CNTNAP2: variants seen among roughly 807,000 people sequenced by gnomAD.
CNTNAP2 encodes contactin-associated protein-like 2.
Under a neutral mutation model 155.2 loss-of-function variants are expected in CNTNAP2, and 98 were observed. That is an observed-to-expected ratio of 0.63 (90% confidence interval 0.54 to 0.75). The LOEUF (loss-of-function observed/expected upper bound fraction) is 0.75. Among genes scored for constraint, CNTNAP2 ranks in the 30% least tolerant of loss-of-function variants. The pLI is 0.00. For missense variants in CNTNAP2, 1,727 were observed against 1,688.1 expected (o/e 1.02, Z -0.40); for synonymous variants, 651 against 631.2 (o/e 1.03, Z -0.47).
chr7:146,661,453 C>G (rs187381684), intron 1 of CNTNAP2, among the ~76,000 whole-genome samples: 1 of 152,204 alleles, frequency 6.6e-6, no homozygotes, highest in African/African-American at 2.4e-5. Flanking sequence ...ATCCTTAACC[C>G]CTGGTCACCA....
intron 1 of CNTNAP2, among the ~76,000 whole-genome samples, chr7:146,719,713 C>A (rs1382867767): frequency 2.1e-5 from 3 of 140,718 alleles, no homozygotes; most frequent in African/African-American, 3.2e-5. Flanking sequence ...AAATTCACTT[C>A]TCTTTCTCCA....
chr7:146,454,697 A>G (rs543735760), intron 1 of CNTNAP2, among the ~76,000 whole-genome samples: 3 of 152,144 alleles, frequency 2.0e-5, no homozygotes, highest in African/African-American at 7.2e-5. Flanking sequence ...GCATTGCTGA[A>G]CTGTAAAAAT....
intron 11 of CNTNAP2, among the ~76,000 whole-genome samples, chr7:147,541,520 C>A (rs1799639668): frequency 6.6e-6 from 1 of 152,182 alleles, no homozygotes; most frequent in Non-Finnish European, 1.5e-5. Context: ...CCGAGGTCTT[C>A]TCAAATTCTA....
chr7:147,443,517 G>A (rs114456071), intron 10 of CNTNAP2, among the ~76,000 whole-genome samples: 2,479 of 152,196 alleles, frequency 0.016, 69 homozygotes, highest in African/African-American at 0.056. Flanking sequence ...CCAGCACTGC[G>A]AGTGTTCATT....
At chr7:147,063,695 A>G (rs928315885) in intron 4 of CNTNAP2, among the ~76,000 whole-genome samples, 1 of 152,158 alleles carries the variant, frequency 6.6e-6, no homozygotes, top group African/African-American at 2.4e-5. Context: ...ATGACTTAAA[A>G]ACAGTTATAT....
intron 9 of CNTNAP2, among the ~76,000 whole-genome samples, chr7:147,314,358 C>G (rs1335516587): frequency 6.6e-6 from 1 of 152,004 alleles, no homozygotes; most frequent in Non-Finnish European, 1.5e-5. Context: ...CTTTTCCAAT[C>G]AAAAAAATCC....
chr7:146,405,135 A>C (rs1044868324), intron 1 of CNTNAP2, among the ~76,000 whole-genome samples: 1 of 152,182 alleles, frequency 6.6e-6, no homozygotes, highest in Non-Finnish European at 1.5e-5. Flanking sequence ...GGATAAATGC[A>C]AAGTTGGAGA....
At chr7:148,284,760 C>G (rs1376356905) in intron 21 of CNTNAP2, among the ~76,000 whole-genome samples, 1 of 152,044 alleles carries the variant, frequency 6.6e-6, no homozygotes, top group South Asian at 2.1e-4. Context: ...ATCTTGCTAA[C>G]GACCTGGAAT....
At chr7:146,541,004 C>G (rs1484356755) in intron 1 of CNTNAP2, among the ~76,000 whole-genome samples, 1 of 151,934 alleles carries the variant, frequency 6.6e-6, no homozygotes, top group African/African-American at 2.4e-5. Flanking sequence ...ATTTTTCTGA[C>G]TCTAAGAAAC....
intron 1 of CNTNAP2, among the ~76,000 whole-genome samples, chr7:146,178,402 A>T (rs1452467567): frequency 6.6e-6 from 1 of 152,182 alleles, no homozygotes; most frequent in African/African-American, 2.4e-5. Flanking sequence ...ATTTGCAGCT[A>T]CTGTAAATTT....
At chr7:147,145,837 G>T (rs1047879037) in intron 8 of CNTNAP2, among the ~76,000 whole-genome samples, 1 of 152,112 alleles carries the variant, frequency 6.6e-6, no homozygotes, top group Admixed American at 6.6e-5. Context: ...TTCCTCTTGG[G>T]TATGGTCAGA....
intron 1 of CNTNAP2, among the ~76,000 whole-genome samples, chr7:146,334,754 T>C (rs1469496425): frequency 1.3e-5 from 2 of 152,220 alleles, no homozygotes; most frequent in Non-Finnish European, 2.9e-5. Flanking sequence ...AAGCAATGTA[T>C]TACTTTCCCT....
intron 1 of CNTNAP2, chr7:146,311,669 AG>A (rs1419595725): frequency 3.4e-5 from 5 of 149,230 alleles, no homozygotes; most frequent in Admixed American, 1.3e-4. Context: ...AAAGAAAGAA[AG>A]GAAAGAGAAA....
At chr7:146,500,759 A>G (rs1797289093) in intron 1 of CNTNAP2, among the ~76,000 whole-genome samples, 1 of 152,188 alleles carries the variant, frequency 6.6e-6, no homozygotes, top group Non-Finnish European at 1.5e-5. Context: ...AATACAGTGT[A>G]GAATAGAAGT....
chr7:147,941,494 G>A (rs970758351), intron 14 of CNTNAP2, among the ~76,000 whole-genome samples: 56 of 152,040 alleles, frequency 3.7e-4, no homozygotes, highest in African/African-American at 1.2e-3. Context: ...AGTTGTCACC[G>A]CCAAGTGACC....
intron 1 of CNTNAP2, among the ~76,000 whole-genome samples, chr7:146,698,143 A>C (rs1220590194): frequency 6.6e-6 from 1 of 152,124 alleles, no homozygotes; most frequent in Non-Finnish European, 1.5e-5. Flanking sequence ...ATTTATCTGT[A>C]AGCTAGAACC....
chr7:146,467,948 A>G (rs1018152495), intron 1 of CNTNAP2, among the ~76,000 whole-genome samples: 1 of 152,140 alleles, frequency 6.6e-6, no homozygotes, highest in Non-Finnish European at 1.5e-5. Context: ...CAAGCATCTT[A>G]TTTATTTTGG....
chr7:147,977,110 A>G (rs1235280603), intron 14 of CNTNAP2, among the ~76,000 whole-genome samples: 2 of 152,126 alleles, frequency 1.3e-5, no homozygotes, highest in Admixed American at 6.6e-5. Context: ...TCTTAAGCCC[A>G]TCTCCAGGAA....
chr7:148,037,165 C>A (rs1053126980), intron 15 of CNTNAP2, among the ~76,000 whole-genome samples: 5 of 152,190 alleles, frequency 3.3e-5, no homozygotes, highest in African/African-American at 1.2e-4. Flanking sequence ...GCATAGCACT[C>A]AAACATTTGA....
Sources: gnomAD v4.1 joint callset for allele counts (sites outside exome capture counted in the v4.1 genomes callset) on GRCh38, gnomAD v4.1.1 for gene constraint, MANE v1.5 for transcripts, NCBI Gene and HGNC (gene_info 2026-07-23, HGNC 2026-07-21) for gene names.